Variants in TMEM132D observed in about 807,000 individuals in gnomAD.
TMEM132D encodes the protein transmembrane protein 132D, also known as mature OL transmembrane protein.
Under a neutral mutation model 62.3 loss-of-function variants are expected in TMEM132D, and 21 were observed. That is an observed-to-expected ratio of 0.34 (90% CI 0.24 to 0.49). The LOEUF (loss-of-function observed/expected upper bound fraction) is 0.49, where lower values mean the gene tolerates loss of function less well. Ranked by LOEUF, TMEM132D falls within the 20% of genes least tolerant of loss-of-function variation. TMEM132D has a pLI of 0.99. For synonymous variants in TMEM132D, 621 were observed against 575.6 expected (o/e 1.08, Z -1.13); for missense variants, 1,346 against 1,402.8 (o/e 0.96, Z 0.65).
At chr12:129,543,847 A>C (rs1196029950) in intron 2 of TMEM132D, among the ~76,000 whole-genome samples, 2 of 152,320 alleles carry the variant, frequency 1.3e-5, no homozygotes, top group East Asian at 3.9e-4. Flanking sequence ...ATACTAATCC[A>C]TTGTGTGCTA....
intron 2 of TMEM132D, among the ~76,000 whole-genome samples, chr12:129,696,127 C>T (rs149326634): frequency 3.2e-4 from 49 of 152,296 alleles, no homozygotes; most frequent in African/African-American, 1.1e-3. Flanking sequence ...AGCTTTAAGT[C>T]TTCGGCATAT....
chr12:129,783,578 T>A (rs1394478442), intron 1 of TMEM132D, among the ~76,000 whole-genome samples: 1 of 152,052 alleles, frequency 6.6e-6, no homozygotes, highest in Non-Finnish European at 1.5e-5. Flanking sequence ...GCAGAGGGAG[T>A]GCTGAAGAGA....
At chr12:129,265,174 A>G (rs1271599416) in intron 4 of TMEM132D, among the ~76,000 whole-genome samples, 1 of 152,184 alleles carries the variant, frequency 6.6e-6, no homozygotes, top group Non-Finnish European at 1.5e-5. Flanking sequence ...GACAATCATG[A>G]TGGCCAAAGG....
chr12:129,838,959 T>C (rs1873091735), intron 1 of TMEM132D, among the ~76,000 whole-genome samples: 2 of 150,580 alleles, frequency 1.3e-5, no homozygotes. Flanking sequence ...AACTCTTTTT[T>C]TTTTTTTTTT....
intron 3 of TMEM132D, among the ~76,000 whole-genome samples, chr12:129,467,403 G>T (rs558982112): frequency 6.6e-6 from 1 of 152,278 alleles, no homozygotes; most frequent in African/African-American, 2.4e-5. Flanking sequence ...AAAGATGGGT[G>T]GCTTCCCTAT....
intron 5 of TMEM132D, among the ~76,000 whole-genome samples, chr12:129,112,701 T>C (rs1875758169): frequency 6.6e-6 from 1 of 152,204 alleles, no homozygotes; most frequent in African/African-American, 2.4e-5. Flanking sequence ...ATTTACTTCC[T>C]CTGTTGCACC....
intron 3 of TMEM132D, among the ~76,000 whole-genome samples, chr12:129,476,474 C>T (rs1028806794): frequency 3.9e-5 from 6 of 152,194 alleles, no homozygotes; most frequent in African/African-American, 1.4e-4. Flanking sequence ...GTGCCCCACA[C>T]CTTCCTGAGG....
At chr12:129,728,315 C>T (rs1221892509) in intron 1 of TMEM132D, among the ~76,000 whole-genome samples, 1 of 152,194 alleles carries the variant, frequency 6.6e-6, no homozygotes, top group Non-Finnish European at 1.5e-5. Context: ...GACAGAAATT[C>T]ACATCTATTT....
rs150887833 is a variant in TMEM132D, at chr12:129,289,481, T to G, written c.1299+48153A>C. On this transcript the variant is annotated intron_variant, in intron 4 of 8. Transcript: ENST00000422113. ...ATCACTTGAACCTGGGAGGTGGAGG[T>G]TGCAGTGAGCCGAGATGGTGCCATT... is the stretch of plus-strand genomic sequence containing the variant. Among the ~76,000 whole-genome samples, 464 of 147,732 alleles carry G rather than the reference T, an allele frequency of 3.1e-3. 5 individuals carry two copies. Among genetic ancestry groups the G allele is most frequent in the African/African-American group, 0.011 (436 of 39,792 alleles).
At chr12:129,311,197 C>CAAAAA (rs60836498) in intron 4 of TMEM132D, among the ~76,000 whole-genome samples, 1 of 29,686 alleles carries the variant, frequency 3.4e-5, no homozygotes, top group African/African-American at 1.9e-4. Context: ...GACTCCGTCT[C>CAAAAA]AAAAAAAAAA....
intron 2 of TMEM132D, among the ~76,000 whole-genome samples, chr12:129,591,566 T>C (rs1878191492): frequency 6.6e-6 from 1 of 151,030 alleles, no homozygotes; most frequent in Admixed American, 6.6e-5. Flanking sequence ...TTTTAGGAAC[T>C]AGGGTGGGGC....
intron 1 of TMEM132D, among the ~76,000 whole-genome samples, chr12:129,734,866 G>T (rs1869375696): frequency 6.6e-6 from 1 of 152,030 alleles, no homozygotes. Context: ...CTATTTCTCA[G>T]TGGTAACAGC....
At chr12:129,439,153 T>C (rs897657005) in intron 3 of TMEM132D, among the ~76,000 whole-genome samples, 2 of 152,204 alleles carry the variant, frequency 1.3e-5, no homozygotes, top group Admixed American at 6.5e-5. Context: ...ATTTGGGACA[T>C]TGGGAATTAC....
intron 3 of TMEM132D, among the ~76,000 whole-genome samples, chr12:129,516,833 T>C (rs1381284028): frequency 1.3e-5 from 2 of 152,232 alleles, no homozygotes; most frequent in Non-Finnish European, 2.9e-5. Context: ...ATCAAGGTGT[T>C]GGCCAGGCTG....
At position 129,731,838 on chromosome 12, in the gene TMEM132D, A is replaced by G. The variant is rs184653320; in HGVS notation, c.80-31140T>C. On this transcript the variant is annotated intron_variant, in intron 1 of 8. Coordinates refer to ENST00000422113, the MANE Select transcript of TMEM132D (RefSeq NM_133448.3). Reference sequence around the variant, plus strand: ...CCACCACGCCCGGCTAATTTTTTGTATTTTTAGTAGAGACAGGGTTTCACC... The same window carrying G: ...CCACCACGCCCGGCTAATTTTTTGTGTTTTTAGTAGAGACAGGGTTTCACC... Among the ~76,000 whole-genome samples, 97 of 152,072 alleles carry G rather than the reference A, an allele frequency of 6.4e-4. 1 individual carries two copies. The East Asian group carries it at 0.018, about 28-fold the overall frequency.
intron 1 of TMEM132D, among the ~76,000 whole-genome samples, chr12:129,815,141 C>A (rs192636384): frequency 6.6e-6 from 1 of 152,028 alleles, no homozygotes; most frequent in Non-Finnish European, 1.5e-5. Context: ...ATTTTAATTG[C>A]GCTAAGTAAT....
intron 5 of TMEM132D, among the ~76,000 whole-genome samples, chr12:129,116,267 A>G (rs1000096339): frequency 5.4e-4 from 82 of 152,326 alleles, no homozygotes; most frequent in African/African-American, 1.8e-3. Context: ...GGCATGGCAC[A>G]TAGAGGGAAA....
chr12:129,850,823 C>T (rs556924708), intron 1 of TMEM132D, among the ~76,000 whole-genome samples: 7 of 152,226 alleles, frequency 4.6e-5, no homozygotes, highest in African/African-American at 1.4e-4. Context: ...TATGCAATGC[C>T]ACACACACTG....
chr12:129,317,627 AG>A (rs1461344195), intron 4 of TMEM132D, among the ~76,000 whole-genome samples: 1 of 152,134 alleles, frequency 6.6e-6, no homozygotes, highest in African/African-American at 2.4e-5. Flanking sequence ...GCCTAGGTGA[AG>A]ATCTTTTGGC....
Sources: allele counts gnomAD v4.1 joint callset (sites outside exome capture counted in the v4.1 genomes callset), GRCh38; gene constraint gnomAD v4.1.1; transcripts MANE v1.5; gene names NCBI Gene and HGNC (gene_info 2026-07-23, HGNC 2026-07-21).